Variants in SNX13 observed in about 807,000 individuals in gnomAD.
The protein encoded by SNX13 is sorting nexin 13.
Under a neutral mutation model 133.6 loss-of-function variants are expected in SNX13, and 45 were observed. That is an observed-to-expected ratio of 0.34 (90% confidence interval 0.27 to 0.43). The LOEUF (loss-of-function observed/expected upper bound fraction) is 0.43, where lower values mean the gene tolerates loss of function less well. Among genes scored for constraint, SNX13 ranks in the 20% least tolerant of loss-of-function variants. The probability of loss-of-function intolerance (pLI) is 1.00; values close to 1 mark genes in which losing one functional copy is unlikely to be tolerated. For synonymous variants in SNX13, 414 were observed against 373.9 expected, an observed-to-expected ratio of 1.11 and a Z score of -1.24; for missense variants, 1,032 against 1,145.1, an observed-to-expected ratio of 0.90 and a Z score of 1.43.
chr7:17,831,634 T>C (rs1211450491), intron 15 of SNX13: 1 of 984,048 alleles, frequency 1.0e-6, no homozygotes, highest in East Asian at 1.1e-4. Flanking sequence ...GGCTCAAATG[T>C]AGACTACTTT....
intron 9 of SNX13, among the ~76,000 whole-genome samples, chr7:17,857,934 ATCATT>A: frequency 6.6e-6 from 1 of 152,348 alleles, no homozygotes; most frequent in South Asian, 2.1e-4. Flanking sequence ...AAAAAACATT[ATCATT>A]TCAATAGATG....
chr7:17,930,021 A>C (rs570259557), intron 1 of SNX13, among the ~76,000 whole-genome samples: 1 of 152,336 alleles, frequency 6.6e-6, no homozygotes, highest in South Asian at 2.1e-4. Context: ...ATTAAATTCT[A>C]AGTTTTGAAA....
chr7:17,871,338 T>C (rs1341804585), intron 8 of SNX13, among the ~76,000 whole-genome samples: 1 of 152,070 alleles, frequency 6.6e-6, no homozygotes, highest in Non-Finnish European at 1.5e-5. Context: ...AAAAAGGACA[T>C]GAGAGGCAGG....
chr7:17,855,153 G>A (rs1382716068), intron 9 of SNX13, among the ~76,000 whole-genome samples: 1 of 152,144 alleles, frequency 6.6e-6, no homozygotes, highest in East Asian at 1.9e-4. Flanking sequence ...CCAGAGCAAG[G>A]CCCGGACTAG....
chr7:17,875,326 T>C (rs1046516934), intron 7 of SNX13, among the ~76,000 whole-genome samples, 154 bp downstream of exon 7: 2 of 152,050 alleles, frequency 1.3e-5, no homozygotes, highest in Admixed American at 1.3e-4. Context: ...TGGAAACTAC[T>C]TTTAAGAGTT....
Position 17,798,818 on chromosome 7 carries a change from C to G in SNX13, c.2445-60G>C, listed in dbSNP as rs1784327776. 8.2e-6 allele frequency: 11 copies of G among 1,341,192 alleles called. No homozygotes were observed. In the Middle Eastern group the frequency reaches 9.1e-4, roughly 111 times the overall value. 83.1% of individuals were successfully genotyped at this position (1,341,192 alleles called of 1,614,324 possible). On this transcript the variant is annotated intron_variant, in intron 23 of 25. Transcript: ENST00000428135. ...AATTTTAGAAGGTGAAAAAAATAAA[C>G]GTGACTTTCATAGAGCAAGCAACTT...
intron 25 of SNX13, 97 bp from the exon 26 acceptor site, chr7:17,794,389 T>C (rs370202887): frequency 7.1e-7 from 1 of 1,408,476 alleles, no homozygotes; most frequent in South Asian, 1.5e-5. Flanking sequence ...GCAGAGTAAC[T>C]GATGAACAGT....
intron 1 of SNX13, among the ~76,000 whole-genome samples, chr7:17,920,067 G>T (rs55764039): frequency 4.6e-5 from 7 of 152,060 alleles, no homozygotes; most frequent in African/African-American, 1.7e-4. Flanking sequence ...CTTAAAACAG[G>T]CTTCATCTAT....
intron 1 of SNX13, among the ~76,000 whole-genome samples, chr7:17,921,756 A>G (rs1032546015): frequency 2.0e-5 from 3 of 152,218 alleles, no homozygotes; most frequent in African/African-American, 7.2e-5. Context: ...AGAATTTCCA[A>G]TGTTCAGGAA....
intron 8 of SNX13, among the ~76,000 whole-genome samples, chr7:17,869,879 G>C (rs111622370): frequency 8.0e-5 from 12 of 149,392 alleles, no homozygotes; most frequent in Non-Finnish European, 1.8e-4. Context: ...CACACACACA[G>C]ACACACACAC....
intron 16 of SNX13, among the ~76,000 whole-genome samples, chr7:17,826,878 C>T (rs770901475): frequency 8.2e-4 from 124 of 152,118 alleles, no homozygotes; most frequent in Middle Eastern, 3.4e-3. Context: ...AACATGGCAG[C>T]CTGAAACTGC....
intron 19 of SNX13, 66 bp from the exon 20 acceptor site, chr7:17,815,010 GTTTATAA>G: frequency 3.8e-6 from 5 of 1,329,140 alleles, no homozygotes; most frequent in Non-Finnish European, 4.8e-6. Flanking sequence ...AATTACCATT[GTTTATAA>G]TTTTAGCTCA....
rs1237397561 is a variant in SNX13 at position 17,856,800 on chromosome 7, AAAAG to A, written c.838-5840_838-5837del. 4.2e-4 allele frequency among the ~76,000 whole-genome samples: 62 copies of A among 149,370 alleles called. 1 individual carries two copies. In the South Asian group the frequency reaches 7.2e-3, roughly 17 times the overall value. Reference sequence around the variant, plus strand: ...GAGACTCTCTTAAAAAAAAAAAAAAAAAAGAAAGAAAGAAAGAAAAGAAAAAGAA... The same window carrying A: ...GAGACTCTCTTAAAAAAAAAAAAAAAAAAGAAAGAAAGAAAAGAAAAAGAA... On this transcript the variant is annotated intron_variant, in intron 9 of 25. Transcript: ENST00000428135.
intron 1 of SNX13, among the ~76,000 whole-genome samples, chr7:17,928,035 A>G (rs890460494): frequency 6.6e-6 from 1 of 152,188 alleles, no homozygotes; most frequent in Non-Finnish European, 1.5e-5. Context: ...AATATTTACA[A>G]GTTTTGACTT....
chr7:17,912,709 G>A (rs1425003375), intron 1 of SNX13, among the ~76,000 whole-genome samples: 1 of 152,116 alleles, frequency 6.6e-6, no homozygotes, highest in Non-Finnish European at 1.5e-5. Context: ...ACCACACCCA[G>A]CCAGAGGATG....
At chr7:17,891,677 G>A (rs1263122388) in intron 3 of SNX13, 42 bp from the exon 4 acceptor site, 32 of 1,399,572 alleles carry the variant, frequency 2.3e-5, no homozygotes, top group Non-Finnish European at 3.1e-5. Flanking sequence ...GTTTTCTGAT[G>A]TAAAATCTCT....
rs558790017 is a variant in SNX13, at chr7:17,821,421, A to T, written c.1845+88T>A. The T allele has an allele frequency of 2.7e-4, 346 of 1,258,240 alleles. 1 individual carries two copies. In the South Asian group the frequency reaches 3.4e-3, roughly 12 times the overall value. 77.9% of individuals were successfully genotyped at this position (1,258,240 alleles called of 1,614,324 possible). On this transcript the variant is annotated intron_variant, in intron 18 of 25. Transcript: ENST00000428135. ...AAATTCTTACCTTATTTTTTTAATT[A>T]ATCACTCTATCTGGGCATCCTCAGA...
chr7:17,847,797 T>C (rs889621970), intron 11 of SNX13, among the ~76,000 whole-genome samples: 1 of 152,186 alleles, frequency 6.6e-6, no homozygotes. Flanking sequence ...TCTCATCAGA[T>C]CACCAATAAT....
At chr7:17,893,684 T>A (rs1229438098) in intron 2 of SNX13, among the ~76,000 whole-genome samples, 1 of 152,124 alleles carries the variant, frequency 6.6e-6, no homozygotes. Flanking sequence ...CTAAAGAATC[T>A]TGTGACAAGG....
Sources: allele counts gnomAD v4.1 joint callset (sites outside exome capture counted in the v4.1 genomes callset), GRCh38; gene constraint gnomAD v4.1.1; transcripts MANE v1.5; gene names NCBI Gene and HGNC (gene_info 2026-07-23, HGNC 2026-07-21).